CCSER1: variants seen among roughly 807,000 people sequenced by gnomAD.
CCSER1 encodes the protein serine-rich coiled-coil domain-containing protein 1.
A neutral mutation model predicts 82.0 loss-of-function variants in CCSER1; 41 were observed. That is an observed-to-expected ratio of 0.50 (90% confidence interval 0.39 to 0.65). The LOEUF (loss-of-function observed/expected upper bound fraction) is 0.65, where lower values mean the gene tolerates loss of function less well. CCSER1 is among the 30% of genes least tolerant of loss of function. The probability of loss-of-function intolerance (pLI) is 0.00; values close to 1 mark genes in which losing one functional copy is unlikely to be tolerated. For synonymous variants in CCSER1, 414 were observed against 383.9 expected (o/e 1.08, Z -0.92); for missense variants, 1,119 against 1,064.2 (o/e 1.05, Z -0.72).
intron 3 of CCSER1, among the ~76,000 whole-genome samples, chr4:90,344,573 A>G (rs1741995107): frequency 6.6e-6 from 1 of 152,172 alleles, no homozygotes; most frequent in Non-Finnish European, 1.5e-5. Context: ...GTACCCCCAT[A>G]AACTCCTTGT....
At chr4:90,592,696 CT>C (rs1782858064) in intron 5 of CCSER1, among the ~76,000 whole-genome samples, 1 of 151,818 alleles carries the variant, frequency 6.6e-6, no homozygotes, top group Admixed American at 6.6e-5. Flanking sequence ...GTTGTATTAG[CT>C]TTCTTTTTTT....
chr4:90,945,833 A>T (rs1372905280), intron 9 of CCSER1, among the ~76,000 whole-genome samples: 2 of 152,108 alleles, frequency 1.3e-5, no homozygotes, highest in African/African-American at 2.4e-5. Flanking sequence ...ATTTTTTTTT[A>T]ATCTATGTCA....
intron 5 of CCSER1, among the ~76,000 whole-genome samples, chr4:90,547,763 G>T (rs138874903): frequency 2.6e-5 from 4 of 152,196 alleles, no homozygotes; most frequent in African/African-American, 9.6e-5. Flanking sequence ...AATTAAGGAT[G>T]ACTTGCTAGA....
intron 9 of CCSER1, among the ~76,000 whole-genome samples, chr4:91,018,811 G>T (rs1196161779): frequency 1.3e-5 from 2 of 151,906 alleles, no homozygotes; most frequent in African/African-American, 4.8e-5. Context: ...AAATTTAAGT[G>T]TTGTAAATTC....
At chr4:91,032,071 G>A (rs1002027567) in intron 9 of CCSER1, among the ~76,000 whole-genome samples, 8 of 151,868 alleles carry the variant, frequency 5.3e-5, no homozygotes, top group African/African-American at 1.5e-4. Flanking sequence ...TTCTAGAACA[G>A]TATTTGTTAA....
intron 10 of CCSER1, among the ~76,000 whole-genome samples, chr4:91,306,177 T>C (rs1428561550): frequency 1.3e-5 from 2 of 151,984 alleles, no homozygotes; most frequent in African/African-American, 2.4e-5. Flanking sequence ...TTTCTTTTCT[T>C]TGTTTCATAG....
chr4:90,963,371 T>C (rs554283118), intron 9 of CCSER1, among the ~76,000 whole-genome samples: 7 of 152,080 alleles, frequency 4.6e-5, no homozygotes, highest in Non-Finnish European at 8.8e-5. Context: ...GATGCAAATA[T>C]GGAGATATAT....
At chr4:90,527,898 C>A (rs1314772483) in intron 5 of CCSER1, among the ~76,000 whole-genome samples, 3 of 151,986 alleles carry the variant, frequency 2.0e-5, no homozygotes, top group African/African-American at 7.2e-5. Flanking sequence ...CAAGTCTTGG[C>A]AGGAATACAT....
chr4:91,507,169 G>A (rs1427781517), intron 10 of CCSER1, among the ~76,000 whole-genome samples: 6 of 152,022 alleles, frequency 3.9e-5, no homozygotes, highest in Non-Finnish European at 5.9e-5. Flanking sequence ...ATGATCACAT[G>A]GTAACTTTAT....
chr4:91,389,531 T>A (rs576495741), intron 10 of CCSER1, among the ~76,000 whole-genome samples: 1 of 152,158 alleles, frequency 6.6e-6, no homozygotes, highest in Non-Finnish European at 1.5e-5. Context: ...AACTTTGTTT[T>A]TTTTCCCTTC....
At chr4:90,591,805 C>A (rs542513348) in intron 5 of CCSER1, among the ~76,000 whole-genome samples, 1 of 152,106 alleles carries the variant, frequency 6.6e-6, no homozygotes, top group Non-Finnish European at 1.5e-5. Flanking sequence ...CAGTGATAGA[C>A]CGGATAAAGA....
At chr4:90,229,920 A>T (rs1486066988) in intron 1 of CCSER1, among the ~76,000 whole-genome samples, 1 of 152,232 alleles carries the variant, frequency 6.6e-6, no homozygotes, top group Admixed American at 6.5e-5. Context: ...AGAAGAGCTA[A>T]CTATCCTAAA....
rs962688047 is a variant in CCSER1 at position 91,390,591 on chromosome 4, T to TTA, written c.2218-207967_2218-207966dup. 1.1e-3 allele frequency among the ~76,000 whole-genome samples: 161 copies of TTA among 150,546 alleles called. 1 individual carries two copies. The highest frequency in any genetic ancestry group is 7.0e-3 in the Middle Eastern group (2 of 284). On this transcript the variant is annotated intron_variant, in intron 10 of 10. Coordinates refer to ENST00000509176, the MANE Select transcript of CCSER1 (RefSeq NM_001145065.2). Reference sequence around the variant, plus strand: ...TACCCTAGAACTTAAAGTATTTTATTTATATATATATATATGAAGTATTCC... The same window carrying TTA: ...TACCCTAGAACTTAAAGTATTTTATTTATATATATATATATATGAAGTATTCC...
chr4:91,550,155 C>G (rs778903692), intron 10 of CCSER1, among the ~76,000 whole-genome samples: 1 of 152,184 alleles, frequency 6.6e-6, no homozygotes, highest in Non-Finnish European at 1.5e-5. Context: ...AAGGGAAGGA[C>G]TTGTTAAAAA....
At chr4:90,613,833 C>T (rs1720707510) in intron 5 of CCSER1, among the ~76,000 whole-genome samples, 1 of 152,182 alleles carries the variant, frequency 6.6e-6, no homozygotes, top group Non-Finnish European at 1.5e-5. Context: ...TCCTTTCTTA[C>T]ACTCCTGTGA....
chr4:90,529,625 G>A (rs1346090109), intron 5 of CCSER1, among the ~76,000 whole-genome samples: 3 of 152,092 alleles, frequency 2.0e-5, no homozygotes, highest in Non-Finnish European at 4.4e-5. Flanking sequence ...ACTTAAGAAT[G>A]GTATACAGAA....
chr4:90,392,339 T>C (rs1751323470), intron 3 of CCSER1, among the ~76,000 whole-genome samples: 1 of 152,054 alleles, frequency 6.6e-6, no homozygotes, highest in Admixed American at 6.5e-5. Flanking sequence ...TTGGTTTAAA[T>C]TCATATAAAT....
rs368181264 is a variant in CCSER1, at chr4:90,931,149, G to A, written c.2172+7702G>A. ...ATCTGTACATACACACCAAAACATC[G>A]TCTATTAATACACACACACATGCAC... On this transcript the variant is annotated intron_variant, in intron 9 of 10. Transcript: ENST00000509176. 1.8e-4 allele frequency among the ~76,000 whole-genome samples: 27 copies of A among 149,976 alleles called. No individual in the cohort carries two copies. The South Asian group carries it at 2.1e-3, about 12-fold the overall frequency.
chr4:90,412,266 G>A (rs1306087931), intron 4 of CCSER1, among the ~76,000 whole-genome samples: 3 of 140,136 alleles, frequency 2.1e-5, no homozygotes, highest in African/African-American at 8.0e-5. Flanking sequence ...ACTGAACAAT[G>A]AGAACACATG....
Sources: gnomAD v4.1 joint callset for allele counts (sites outside exome capture counted in the v4.1 genomes callset) on GRCh38, gnomAD v4.1.1 for gene constraint, MANE v1.5 for transcripts, NCBI Gene and HGNC (gene_info 2026-07-23, HGNC 2026-07-21) for gene names.